The following CAMK2D variants were observed in gnomAD, a reference collection of about 807,000 sequenced individuals.
CAMK2D encodes calcium/calmodulin-dependent protein kinase type II subunit delta.
In CAMK2D, 37 loss-of-function variants were observed where a neutral mutation model predicts 84.0. The ratio of observed to expected loss-of-function variants is 0.44; its 90% CI spans 0.34 to 0.58. CAMK2D has a LOEUF of 0.58. Among genes scored for constraint, CAMK2D ranks in the 20% least tolerant of loss-of-function variants. The probability of loss-of-function intolerance (pLI) is 0.02; values close to 1 mark genes in which losing one functional copy is unlikely to be tolerated. For missense variants in CAMK2D, 448 were observed against 652.5 expected (o/e 0.69, Z 3.41); for synonymous variants, 202 against 212.5 (o/e 0.95, Z 0.43).
At chr4:113,461,911 A>G (rs2097379822) in intron 17 of CAMK2D, among the ~76,000 whole-genome samples, 1 of 152,246 alleles carries the variant, frequency 6.6e-6, no homozygotes, top group Admixed American at 6.5e-5. Context: ...TATTTAAAGA[A>G]TACCTTTAAA....
chr4:113,669,974 C>T (rs564296303), intron 2 of CAMK2D, among the ~76,000 whole-genome samples: 1 of 152,216 alleles, frequency 6.6e-6, no homozygotes, highest in African/African-American at 2.4e-5. Flanking sequence ...GACCATCTGT[C>T]AACAGTACCA....
At position 113,457,396 on chromosome 4, in the gene CAMK2D, G is replaced by A. The variant is rs771227612; in HGVS notation, c.1474C>T (p.Arg492Trp). ...TGAACATTCTGCCACTTTCCATCCCGGCGGTGCCACACACGAGTCTCTTCT... is the reference window on the plus strand; with the variant it reads ...TGAACATTCTGCCACTTTCCATCCCAGCGGTGCCACACACGAGTCTCTTCT... ...QSEETRVWHR[R>W]DGKWQNVHFH... Residue 492 changes from arginine to tryptophan, a missense_variant, in exon 19 of 21, where the codon CGG (arginine) becomes TGG (tryptophan). Physicochemically the swap from Arg to Trp is moderately radical, Grantham distance 101. Around this residue, in one of 7 missense-constraint regions of CAMK2D, gnomAD observed 219 missense variants for 272.1 expected, o/e 0.80. Transcript: ENST00000511664. 1.4e-5 allele frequency: 22 copies of A among 1,613,770 alleles called. No individual in the cohort carries two copies. Among genetic ancestry groups the A allele is most frequent in the Non-Finnish European group, 1.8e-5 (21 of 1,179,770 alleles).
At position 113,761,670 on chromosome 4, in the gene CAMK2D, C is replaced by A. The variant is rs567691143; in HGVS notation, c.-602G>T. Reference sequence around the variant, plus strand: ...GCGGGCGGCAGCGGCTCCGGCGAAGCGAGGCACCTTGGCGGCCTCGCGCTG... The same window carrying A: ...GCGGGCGGCAGCGGCTCCGGCGAAGAGAGGCACCTTGGCGGCCTCGCGCTG... On this transcript the variant is annotated 5_prime_UTR_variant, in exon 1 of 21. Coordinates refer to ENST00000511664, the MANE Select transcript of CAMK2D (RefSeq NM_001321571.2). 1.0e-6 allele frequency: 1 copy of A among 984,920 alleles called. No individual in the cohort carries two copies. The highest frequency in any genetic ancestry group is 6.1e-5 in the Admixed American group (1 of 16,274). 61.0% of individuals were successfully genotyped at this position (984,920 alleles called of 1,614,324 possible). A position where few individuals can be genotyped will look rare whatever the true frequency, so the allele number is the denominator to read the frequency against.
intron 16 of CAMK2D, among the ~76,000 whole-genome samples, chr4:113,475,172 G>T (rs1010890578): frequency 6.6e-6 from 1 of 152,086 alleles, no homozygotes; most frequent in Non-Finnish European, 1.5e-5. Context: ...GTAAATAATA[G>T]AATTTAGTTT....
intron 2 of CAMK2D, among the ~76,000 whole-genome samples, chr4:113,718,182 A>T (rs1226731463): frequency 6.6e-6 from 1 of 152,214 alleles, no homozygotes; most frequent in African/African-American, 2.4e-5. Flanking sequence ...TATTCAAATC[A>T]GTCTTATTTG....
At chr4:113,726,126 A>G (rs2099544991) in intron 2 of CAMK2D, among the ~76,000 whole-genome samples, 1 of 152,176 alleles carries the variant, frequency 6.6e-6, no homozygotes, top group Admixed American at 6.5e-5. Context: ...AGCACTTGTC[A>G]TAGATTTCCT....
chr4:113,535,389 G>A (rs2098482923), intron 7 of CAMK2D, among the ~76,000 whole-genome samples: 1 of 152,142 alleles, frequency 6.6e-6, no homozygotes, highest in East Asian at 1.9e-4. Flanking sequence ...TAATTTGAAC[G>A]ATTGTTTTAG....
chr4:113,608,276 C>T (rs1446875656), intron 4 of CAMK2D, among the ~76,000 whole-genome samples: 1 of 152,130 alleles, frequency 6.6e-6, no homozygotes, highest in East Asian at 1.9e-4. Flanking sequence ...ATTAACCTAC[C>T]TTCAAACTCA....
intron 2 of CAMK2D, among the ~76,000 whole-genome samples, chr4:113,664,422 G>C (rs1561689445): frequency 6.6e-6 from 1 of 152,194 alleles, no homozygotes; most frequent in Non-Finnish European, 1.5e-5. Context: ...GTCAGCCACG[G>C]CTGGGGTCTC....
chr4:113,454,435 AGAG>A lies in CAMK2D; in HGVS notation c.*107_*109del, dbSNP rs777703442. The A allele has an allele frequency of 1.7e-5, 13 of 767,094 alleles. No homozygotes were observed. The highest frequency in any genetic ancestry group is 3.5e-5 in the Admixed American group (2 of 56,816). The allele number at this position is 767,094 out of a possible 1,614,324, so 47.5% of individuals were successfully genotyped here. A position where few individuals can be genotyped will look rare whatever the true frequency, so the allele number is the denominator to read the frequency against. On this transcript the variant is annotated 3_prime_UTR_variant, in exon 21 of 21. Transcript: ENST00000511664. ...TTCATGCACTCAGAAACATGCATGA[AGAG>A]GAGGAGAGGACGGCCCAGGGTCACC...
At chr4:113,620,493 T>C (rs1488958864) in intron 3 of CAMK2D, among the ~76,000 whole-genome samples, 1 of 151,862 alleles carries the variant, frequency 6.6e-6, no homozygotes, top group African/African-American at 2.4e-5. Flanking sequence ...TGGTAAACTT[T>C]CTTATTTTTT....
At chr4:113,657,408 A>C (rs1374128342) in intron 3 of CAMK2D, among the ~76,000 whole-genome samples, 1 of 152,158 alleles carries the variant, frequency 6.6e-6, no homozygotes, top group Non-Finnish European at 1.5e-5. Flanking sequence ...AGCCTAGAAC[A>C]AAGCTTGGCA....
At chr4:113,668,246 A>T (rs1436311569) in intron 2 of CAMK2D, among the ~76,000 whole-genome samples, 2 of 152,188 alleles carry the variant, frequency 1.3e-5, no homozygotes, top group African/African-American at 4.8e-5. Context: ...ACCCATAACG[A>T]AGGTCCCTAA....
chr4:113,645,262 C>T (rs1326126128), intron 3 of CAMK2D, among the ~76,000 whole-genome samples: 6 of 152,116 alleles, frequency 3.9e-5, no homozygotes, highest in Non-Finnish European at 7.3e-5. Context: ...ATGATCCGCC[C>T]GCCTCAGCCT....
intron 4 of CAMK2D, among the ~76,000 whole-genome samples, chr4:113,578,593 C>T (rs1223035035): frequency 6.6e-6 from 1 of 152,120 alleles, no homozygotes; most frequent in Non-Finnish European, 1.5e-5. Context: ...GAAAGTGTGC[C>T]ATTGGATTTT....
chr4:113,520,312 G>A (rs2098339269), intron 8 of CAMK2D, among the ~76,000 whole-genome samples: 1 of 152,096 alleles, frequency 6.6e-6, no homozygotes, highest in South Asian at 2.1e-4. Flanking sequence ...GGAGGCTGAG[G>A]CAGGAGAATC....
chr4:113,750,118 A>G (rs1019813115), intron 2 of CAMK2D, among the ~76,000 whole-genome samples: 1 of 152,250 alleles, frequency 6.6e-6, no homozygotes, highest in Non-Finnish European at 1.5e-5. Flanking sequence ...TGACTGCAAT[A>G]CAAAGGGAGA....
chr4:113,553,348 A>AT (rs2098643039), intron 4 of CAMK2D, among the ~76,000 whole-genome samples: 1 of 152,204 alleles, frequency 6.6e-6, no homozygotes, highest in South Asian at 2.1e-4. Context: ...TTTAGAAGGC[A>AT]TGAGTCATTT....
chr4:113,714,213 A>G (rs2099505274), intron 2 of CAMK2D, among the ~76,000 whole-genome samples: 1 of 152,002 alleles, frequency 6.6e-6, no homozygotes, highest in African/African-American at 2.4e-5. Flanking sequence ...TCAAGTTCCC[A>G]CATATGTGGA....
Sources: gnomAD v4.1 joint callset for allele counts (sites outside exome capture counted in the v4.1 genomes callset) on GRCh38, gnomAD v4.1.1 for gene constraint, gnomAD v4.1.1 regional missense constraint, MANE v1.5 for transcripts, NCBI Gene and HGNC (gene_info 2026-07-23, HGNC 2026-07-21) for gene names.